ZNF578: variants seen among roughly 807,000 people sequenced by gnomAD.
The protein encoded by ZNF578 is Putative chemokine-related protein B42.
In ZNF578, 8 loss-of-function variants were observed where a neutral mutation model predicts 8.3. The observed-to-expected ratio is 0.96, with a 90% CI of 0.56 to 1.74. ZNF578 has a LOEUF of 1.74. ZNF578 is among the 40% of genes most tolerant of loss of function. The pLI, the probability that ZNF578 is intolerant of heterozygous loss-of-function variation, is 0.00. For missense variants in ZNF578, 726 were observed against 707.5 expected, an observed-to-expected ratio of 1.03 and a Z score of -0.30; for synonymous variants, 206 against 232.2, an observed-to-expected ratio of 0.89 and a Z score of 1.03.
Position 52,461,666 on chromosome 19 carries a change from C to A in ZNF578, c.-122+4708C>A, listed in dbSNP as rs895905205. Reference sequence around the variant, plus strand: ...ACATTTAATAATTTTAGAATTAGGTCATATATGAATATTTCTGACCATCAA... The same window carrying A: ...ACATTTAATAATTTTAGAATTAGGTAATATATGAATATTTCTGACCATCAA... On this transcript the variant is annotated intron_variant, in intron 2 of 5. Coordinates refer to ENST00000421239, the MANE Select transcript of ZNF578 (RefSeq NM_001099694.2). Among the ~76,000 whole-genome samples, 25 of 152,228 alleles carry A rather than the reference C, an allele frequency of 1.6e-4. No individual in the cohort carries two copies. The East Asian group carries it at 2.3e-3, about 14-fold the overall frequency.
intron 3 of ZNF578, among the ~76,000 whole-genome samples, chr19:52,496,229 A>G (rs995917388): frequency 2.6e-5 from 4 of 151,782 alleles, no homozygotes; most frequent in Non-Finnish European, 5.9e-5. Flanking sequence ...TCTTGGCAAG[A>G]TGGTTCTTGA....
At chr19:52,494,340 A>G (rs990374537) in intron 3 of ZNF578, among the ~76,000 whole-genome samples, 10 of 152,130 alleles carry the variant, frequency 6.6e-5, no homozygotes, top group African/African-American at 2.4e-4. Flanking sequence ...AAAAAAAGAA[A>G]AAAAAATTTA....
chr19:52,455,041 C>T (rs2059234997), intron 1 of ZNF578: 2 of 152,160 alleles, frequency 1.3e-5, no homozygotes, highest in Admixed American at 6.5e-5. Context: ...TCTGTCCCTG[C>T]TCTTTGTTTT....
intron 3 of ZNF578, among the ~76,000 whole-genome samples, chr19:52,494,908 T>G (rs113835983): frequency 0.023 from 3,475 of 152,286 alleles, 117 homozygotes; most frequent in African/African-American, 0.074. Context: ...CTACTCTAAC[T>G]GAAGCCTCGA....
At position 52,514,962 on chromosome 19, in the gene ZNF578, CTTT is replaced by C. The variant is rs35788845; in HGVS notation, c.*2824_*2826del. Among the ~76,000 whole-genome samples the C allele has an allele frequency of 2.4e-5, 3 of 122,914 alleles. No individual in the cohort carries two copies. The highest frequency in any genetic ancestry group is 6.2e-5 in the African/African-American group (2 of 32,196). The allele number at this position is 122,914 out of a possible 152,430, so 80.6% of individuals were successfully genotyped here. ...AGGCATGAGCTACCACGTCGAGACTCTTTTTTTTTTTTTTTTTTAGATGGAGTT... is the reference window on the plus strand; with the variant it reads ...AGGCATGAGCTACCACGTCGAGACTCTTTTTTTTTTTTTTTAGATGGAGTT... On this transcript the variant is annotated 3_prime_UTR_variant, in exon 6 of 6. Transcript: ENST00000421239.
At chr19:52,510,468 G>A (rs761432689) in intron 5 of ZNF578, 104 bp from the exon 6 acceptor site, 19 of 1,366,580 alleles carry the variant, frequency 1.4e-5, no homozygotes, top group Non-Finnish European at 1.6e-5. Context: ...GATCATGTTT[G>A]GGAAGTTTAA....
intron 3 of ZNF578, among the ~76,000 whole-genome samples, chr19:52,491,756 G>A (rs1007143018): frequency 6.6e-6 from 1 of 151,988 alleles, no homozygotes; most frequent in African/African-American, 2.4e-5. Flanking sequence ...AAAAGTAATA[G>A]ATCTCTTTAA....
intron 3 of ZNF578, among the ~76,000 whole-genome samples, chr19:52,497,492 A>G (rs556227934): frequency 6.6e-6 from 1 of 152,310 alleles, no homozygotes; most frequent in Admixed American, 6.5e-5. Flanking sequence ...AAGTGCTGGG[A>G]TTATAGGTGT....
At chr19:52,465,171 A>G (rs1036181780) in intron 2 of ZNF578, among the ~76,000 whole-genome samples, 1 of 152,192 alleles carries the variant, frequency 6.6e-6, no homozygotes, top group South Asian at 2.1e-4. Context: ...AGACAGTAGT[A>G]AACTGCAGGG....
chr19:52,498,684 C>CTGTTTTTTTTTTTT (rs2059395911), intron 3 of ZNF578, among the ~76,000 whole-genome samples: 1 of 106,850 alleles, frequency 9.4e-6, no homozygotes, highest in Non-Finnish European at 1.8e-5. Flanking sequence ...CGCCTGGCCG[C>CTGTTTTTTTTTTTT]TTTTTTTTTT....
chr19:52,498,329 G>GTTTTTTTT (rs58765518), intron 3 of ZNF578, among the ~76,000 whole-genome samples: 1 of 113,738 alleles, frequency 8.8e-6, no homozygotes, highest in Non-Finnish European at 1.7e-5. Flanking sequence ...GCTAATGTGT[G>GTTTTTTTT]TTTTTTTTTT....
intron 1 of ZNF578, chr19:52,456,595 C>A (rs571377819): frequency 6.6e-6 from 1 of 152,258 alleles, no homozygotes; most frequent in Non-Finnish European, 1.5e-5. Flanking sequence ...CCCAGCACCC[C>A]ACAGCTGCAG....
intron 2 of ZNF578, among the ~76,000 whole-genome samples, chr19:52,478,807 G>A (rs568397385): frequency 2.0e-5 from 3 of 151,920 alleles, no homozygotes; most frequent in Non-Finnish European, 2.9e-5. Flanking sequence ...TCTGCCTCCC[G>A]GGTTCAAGCA....
chr19:52,497,554 A>G (rs971037801), intron 3 of ZNF578, among the ~76,000 whole-genome samples: 1 of 152,060 alleles, frequency 6.6e-6, no homozygotes, highest in African/African-American at 2.4e-5. Flanking sequence ...ATTTTCAACT[A>G]TTTCTCCTTT....
chr19:52,479,496 T>C (rs1599892111), intron 2 of ZNF578, among the ~76,000 whole-genome samples: 3 of 147,206 alleles, frequency 2.0e-5, no homozygotes, highest in Non-Finnish European at 4.4e-5. Flanking sequence ...GATTGTGCCA[T>C]TGCACTCCAG....
chr19:52,459,652 T>C (rs8106818), intron 2 of ZNF578, among the ~76,000 whole-genome samples: 1,326 of 128,070 alleles, frequency 0.01, 22 homozygotes, highest in African/African-American at 0.039. Context: ...CACACACACA[T>C]ATATATACTA....
chr19:52,477,169 G>T (rs998290570), intron 2 of ZNF578, among the ~76,000 whole-genome samples: 2 of 152,166 alleles, frequency 1.3e-5, no homozygotes, highest in Admixed American at 1.3e-4. Flanking sequence ...TATCCTGCTG[G>T]TAAAGGTCTC....
intron 5 of ZNF578, among the ~76,000 whole-genome samples, chr19:52,505,355 C>A (rs2059422024): frequency 6.6e-6 from 1 of 152,204 alleles, no homozygotes; most frequent in Non-Finnish European, 1.5e-5. Context: ...AGGCTGTTGA[C>A]TGAACTCTTG....
Position 52,514,662 on chromosome 19 carries a change from T to C in ZNF578, c.*2508T>C, listed in dbSNP as rs2059465292. Among the ~76,000 whole-genome samples, 1 of 152,076 alleles carries C rather than the reference T, an allele frequency of 6.6e-6. No homozygotes were observed. The highest frequency in any genetic ancestry group is 2.4e-5 in the African/African-American group (1 of 41,408). ...TAGAGCGCTGCTCCAAAAGCACCCA[T>C]GTATTCTTTTCTTTTTTGGAAATGG... On this transcript the variant is annotated 3_prime_UTR_variant, in exon 6 of 6. Transcript: ENST00000421239.
Sources: allele counts gnomAD v4.1 joint callset (sites outside exome capture counted in the v4.1 genomes callset), GRCh38; gene constraint gnomAD v4.1.1; transcripts MANE v1.5; gene names NCBI Gene and HGNC (gene_info 2026-07-23, HGNC 2026-07-21).